Variants in MAP2K2 observed in about 807,000 individuals in gnomAD.
MAP2K2 encodes dual specificity mitogen-activated protein kinase kinase 2.
In MAP2K2, 24 loss-of-function variants were observed where a neutral mutation model predicts 43.7. The ratio of observed to expected loss-of-function variants is 0.55; its 90% CI spans 0.40 to 0.77. The LOEUF is 0.77. Ranked by LOEUF, MAP2K2 falls within the 30% of genes least tolerant of loss-of-function variation. The probability of loss-of-function intolerance (pLI) is 0.00; values close to 1 mark genes in which losing one functional copy is unlikely to be tolerated. For missense variants in MAP2K2, 470 were observed against 566.8 expected, an observed-to-expected ratio of 0.83 and a Z score of 1.73; for synonymous variants, 244 against 239.7, an observed-to-expected ratio of 1.02 and a Z score of -0.17.
At chr19:4,109,843 C>G (rs2041132173) in intron 3 of MAP2K2, among the ~76,000 whole-genome samples, 1 of 152,116 alleles carries the variant, frequency 6.6e-6, no homozygotes, top group Admixed American at 6.6e-5. Flanking sequence ...GCTTACCTCA[C>G]AGGTGTGCCT....
chr19:4,116,069 G>T (rs2041217229), intron 2 of MAP2K2, among the ~76,000 whole-genome samples: 1 of 152,192 alleles, frequency 6.6e-6, no homozygotes, highest in Non-Finnish European at 1.5e-5. Context: ...TCAGCTTTGT[G>T]TGTCTCCTCG....
intron 2 of MAP2K2, among the ~76,000 whole-genome samples, chr19:4,113,038 G>A (rs2041175848): frequency 6.6e-6 from 1 of 152,228 alleles, no homozygotes; most frequent in South Asian, 2.1e-4. Context: ...AACGGGGGCT[G>A]CTGTCTTGGA....
rs759998177 is a variant in MAP2K2, at chr19:4,099,279, G to A, written c.841C>T (p.Arg281Trp). ...CCTTCTTCCCCGTCGACCACGGGCC[G>A]GCCAAAGATGGCCTCCAGCTCTTTG... ...DAKELEAIFG[R>W]PVVDGEEGEP... The change falls in exon 7 of 11, where the codon CGG (arginine) becomes TGG (tryptophan). Residue 281 changes from arginine to tryptophan, a missense_variant. Coordinates refer to ENST00000262948, the MANE Select transcript of MAP2K2 (RefSeq NM_030662.4). The A allele has an allele frequency of 1.9e-5, 31 of 1,605,404 alleles. No homozygotes were observed. The highest frequency in any genetic ancestry group is 5.3e-5 in the African/African-American group (4 of 74,818).
At chr19:4,114,134 T>A (rs1290208410) in intron 2 of MAP2K2, among the ~76,000 whole-genome samples, 1 of 152,148 alleles carries the variant, frequency 6.6e-6, no homozygotes, top group Non-Finnish European at 1.5e-5. Flanking sequence ...CAAGAGATTT[T>A]AAAAATTAAC....
In MAP2K2 at chr19:4,090,397, C is replaced by A; in HGVS notation, c.*201G>T. ...TGAGACCACACACAGCAGCGTCGCC[C>A]GTCCCCAGAGGCACCCCGGCCAGGA... is the stretch of plus-strand genomic sequence containing the variant. On this transcript the variant is annotated 3_prime_UTR_variant, in exon 11 of 11. Coordinates refer to ENST00000262948, the MANE Select transcript of MAP2K2 (RefSeq NM_030662.4). 1.6e-6 allele frequency: 1 copy of A among 624,172 alleles called. No homozygotes were observed. The highest frequency in any genetic ancestry group is 1.8e-5 in the South Asian group (1 of 54,826). The allele number at this position is 624,172 out of a possible 1,614,324, so 38.7% of individuals were successfully genotyped here. A position where few individuals can be genotyped will look rare whatever the true frequency, so the allele number is the denominator to read the frequency against.
At chr19:4,102,310 T>A in intron 4 of MAP2K2, 66 bp downstream of exon 4, 1 of 1,397,782 alleles carries the variant, frequency 7.2e-7, no homozygotes, top group Non-Finnish European at 9.8e-7. Context: ...CCCGGAACCC[T>A]GGCCGTGTGG....
At chr19:4,104,906 C>A (rs544374691) in intron 3 of MAP2K2, 1 of 152,372 alleles carries the variant, frequency 6.6e-6, no homozygotes, top group South Asian at 2.1e-4. Flanking sequence ...CGTCCCTGGC[C>A]TCCATCCACT....
In MAP2K2 at chr19:4,117,373, G is replaced by C. The variant is rs535653930; in HGVS notation, c.303+46C>G. ...CCAACCTGCCTCCTGTTTCCAGGGG[G>C]ACCTTCCCCACCACTCCCCGACCTC... On this transcript the variant is annotated intron_variant, in intron 2 of 10. Transcript: ENST00000262948. 81 of 1,570,856 alleles carry C rather than the reference G, an allele frequency of 5.2e-5. No individual in the cohort carries two copies. The East Asian group carries it at 1.6e-3, about 31-fold the overall frequency.
chr19:4,090,714 A>G lies in MAP2K2; in HGVS notation c.1093-6T>C, dbSNP rs369681843. 1.1e-4 allele frequency: 176 copies of G among 1,549,016 alleles called. No individual in the cohort carries two copies. In the African/African-American group the frequency reaches 2.0e-3, roughly 18 times the overall value. On this transcript the variant is annotated splice_region_variant and splice_polypyrimidine_tract_variant and intron_variant, in intron 10 of 10. Transcript: ENST00000262948. ...CGCTTGATGAAGGTGTGGTTCTGCA[A>G]GGAAAGGGGAGCCGTGAGCACCCGG...
At chr19:4,120,810 TG>T (rs2041283498) in intron 1 of MAP2K2, among the ~76,000 whole-genome samples, 1 of 152,140 alleles carries the variant, frequency 6.6e-6, no homozygotes, top group African/African-American at 2.4e-5. Context: ...CTTCAAGAGA[TG>T]GGAATCAAAC....
chr19:4,093,436 A>G (rs1568248969), intron 10 of MAP2K2, among the ~76,000 whole-genome samples: 1 of 151,832 alleles, frequency 6.6e-6, no homozygotes, highest in Non-Finnish European at 1.5e-5. Flanking sequence ...CACATCTGTA[A>G]TCTCTGCACT....
At chr19:4,107,263 C>T (rs1408584142) in intron 3 of MAP2K2, among the ~76,000 whole-genome samples, 2 of 152,004 alleles carry the variant, frequency 1.3e-5, no homozygotes, top group African/African-American at 4.8e-5. Context: ...GTGGCTCACG[C>T]CTGTAATCCC....
intron 2 of MAP2K2, among the ~76,000 whole-genome samples, chr19:4,112,093 C>T (rs1406331809): frequency 2.0e-5 from 3 of 152,208 alleles, no homozygotes; most frequent in Non-Finnish European, 4.4e-5. Context: ...TGGGACGGCA[C>T]CCTGGAGAAT....
chr19:4,118,302 C>T (rs1441452804), intron 1 of MAP2K2, among the ~76,000 whole-genome samples: 1 of 151,850 alleles, frequency 6.6e-6, no homozygotes, highest in East Asian at 1.9e-4. Flanking sequence ...AAGCTGGGAT[C>T]GGGTGAACGG....
Position 4,110,614 on chromosome 19 carries a change from G to A in MAP2K2, c.345C>T (p.Ile115=), listed in dbSNP as rs771046562. The A allele has an allele frequency of 6.2e-7, 1 of 1,613,846 alleles. No homozygotes were observed. Among genetic ancestry groups the A allele is most frequent in the Non-Finnish European group, 8.5e-7 (1 of 1,180,014 alleles). Residue 115 remains isoleucine, a synonymous_variant, in exon 3 of 11, where the codon ATC becomes ATT. Transcript: ENST00000262948. ...LEIKPAIRNQ[I]IRELQVLHEC... is the part of the protein sequence containing the mutation. ...CGTGCAGGACCTGCAGCTCGCGGAT[G>A]ATCTGGTTCCGGATGGCCGGCTTGA...
intron 9 of MAP2K2, 49 bp from the exon 10 acceptor site, chr19:4,094,547 A>G (rs1483364766): frequency 6.5e-7 from 1 of 1,547,612 alleles, no homozygotes; most frequent in South Asian, 1.2e-5. Flanking sequence ...GAGACAAGAC[A>G]GGGCAGTCAG....
intron 3 of MAP2K2, among the ~76,000 whole-genome samples, chr19:4,108,192 G>A (rs1461305132): frequency 6.6e-6 from 1 of 152,192 alleles, no homozygotes; most frequent in Non-Finnish European, 1.5e-5. Flanking sequence ...ATGCTGCCCT[G>A]TCAGGGCTCA....
intron 3 of MAP2K2, 103 bp downstream of exon 3, chr19:4,110,406 A>G (rs2041138636): frequency 4.9e-6 from 7 of 1,427,550 alleles, no homozygotes; most frequent in Admixed American, 1.7e-5. Flanking sequence ...AAGCCAGCGC[A>G]CTGTTGCCTC....
At chr19:4,120,374 C>A (rs1402209236) in intron 1 of MAP2K2, among the ~76,000 whole-genome samples, 1 of 152,232 alleles carries the variant, frequency 6.6e-6, no homozygotes, top group Non-Finnish European at 1.5e-5. Flanking sequence ...AGTGCACTGG[C>A]ACGATCTCAG....
Sources: gnomAD v4.1 joint callset for allele counts (sites outside exome capture counted in the v4.1 genomes callset) on GRCh38, gnomAD v4.1.1 for gene constraint, MANE v1.5 for transcripts, NCBI Gene and HGNC (gene_info 2026-07-23, HGNC 2026-07-21) for gene names.